Variants in PSMA5 observed in about 807,000 individuals in gnomAD.
The protein encoded by PSMA5 is proteasome 20S subunit alpha 5, also known as proteasome subunit alpha type-5.
In PSMA5, 3 loss-of-function variants were observed where a neutral mutation model predicts 34.5. That is an observed-to-expected ratio of 0.09 (90% CI 0.04 to 0.22). The LOEUF is 0.22. Among genes scored for constraint, PSMA5 ranks in the 10% least tolerant of loss-of-function variants. The pLI, the probability that PSMA5 is intolerant of heterozygous loss-of-function variation, is 1.00. For missense variants in PSMA5, 120 were observed against 286.1 expected (o/e 0.42, Z 4.19); for synonymous variants, 88 against 95.8 (o/e 0.92, Z 0.47).
intron 2 of PSMA5, among the ~76,000 whole-genome samples, chr1:109,420,288 C>T (rs933907057): frequency 1.3e-5 from 2 of 152,042 alleles, no homozygotes; most frequent in Non-Finnish European, 1.5e-5. Context: ...CCTCAGAAGA[C>T]AATTGTGTGT....
intron 8 of PSMA5, among the ~76,000 whole-genome samples, chr1:109,404,236 T>C (rs903246314): frequency 3.5e-4 from 53 of 152,076 alleles, no homozygotes; most frequent in African/African-American, 1.2e-3. Context: ...TGCTCGAACA[T>C]GGGATGTGGA....
intron 2 of PSMA5, among the ~76,000 whole-genome samples, chr1:109,418,657 C>A (rs1423727502): frequency 2.0e-5 from 3 of 152,074 alleles, no homozygotes; most frequent in Admixed American, 1.3e-4. Context: ...GTTGCCCAGG[C>A]TAGTCTTGAA....
At chr1:109,423,091 G>A (rs1191491883) in intron 1 of PSMA5, among the ~76,000 whole-genome samples, 4 of 152,242 alleles carry the variant, frequency 2.6e-5, no homozygotes, top group Non-Finnish European at 5.9e-5. Context: ...GAATGAGATG[G>A]TTGCAATCCG....
Position 109,418,752 on chromosome 1 carries a change from A to T in PSMA5, c.96+3108T>A, listed in dbSNP as rs114933194. ...GAGCAACAATGTCCACAAGGAAAAAAATTTTCAAGAAAAATTAGAAAATTG... is the reference window on the plus strand; with the variant it reads ...GAGCAACAATGTCCACAAGGAAAAATATTTTCAAGAAAAATTAGAAAATTG... On this transcript the variant is annotated intron_variant, in intron 2 of 8. Coordinates refer to ENST00000271308, the MANE Select transcript of PSMA5 (RefSeq NM_002790.4). Among the ~76,000 whole-genome samples the T allele has an allele frequency of 6.0e-3, 921 of 152,328 alleles. 10 individuals are homozygous for T. Among genetic ancestry groups the T allele is most frequent in the African/African-American group, 0.016 (672 of 41,572 alleles).
At chr1:109,421,476 A>T (rs1654442661) in intron 2 of PSMA5, among the ~76,000 whole-genome samples, 1 of 142,342 alleles carries the variant, frequency 7.0e-6, no homozygotes, top group Non-Finnish European at 1.5e-5. Context: ...AAAAAAAAAA[A>T]AGAAAGAAAA....
intron 1 of PSMA5, among the ~76,000 whole-genome samples, chr1:109,422,918 G>T (rs1654504196): frequency 6.6e-6 from 1 of 152,192 alleles, no homozygotes; most frequent in Non-Finnish European, 1.5e-5. Context: ...TAACTTACAT[G>T]TCAGACTGCT....
intron 2 of PSMA5, among the ~76,000 whole-genome samples, chr1:109,418,131 T>C (rs1258164313): frequency 1.3e-5 from 2 of 152,020 alleles, no homozygotes; most frequent in African/African-American, 4.8e-5. Context: ...GGAGGATCAC[T>C]TGAGCCTGGG....
chr1:109,411,733 C>G (rs11102979), intron 6 of PSMA5, 144 bp downstream of exon 6: 558,906 of 766,966 alleles, frequency 0.73, 206,319 homozygotes, highest in East Asian at 0.97. Flanking sequence ...TCAAGAGATC[C>G]TCCTGCCTTA....
rs929535721 is a variant in PSMA5, at chr1:109,399,437, T to C, written c.*2576A>G. 2.0e-5 allele frequency: 3 copies of C among 151,286 alleles called. No homozygotes were observed. The highest frequency in any genetic ancestry group is 2.4e-5 in the African/African-American group (1 of 41,116). 9.4% of individuals were successfully genotyped at this position (151,286 alleles called of 1,614,324 possible). On this transcript the variant is annotated 3_prime_UTR_variant, in exon 9 of 9. Transcript: ENST00000271308. ...CACAAGACAGTCAGTTCCAGTAGCA[T>C]GTGATTAGGTGGGGGGAGGAAAGGG... is the stretch of plus-strand genomic sequence containing the variant.
intron 2 of PSMA5, among the ~76,000 whole-genome samples, chr1:109,417,707 G>A (rs188335705): frequency 4.3e-4 from 65 of 152,286 alleles, no homozygotes; most frequent in Admixed American, 3.2e-3. Flanking sequence ...GAAGCCAGCA[G>A]CCAGAAATAC....
intron 8 of PSMA5, 122 bp downstream of exon 8, chr1:109,409,806 C>T (rs1034758371): frequency 1.1e-5 from 7 of 651,728 alleles, no homozygotes; most frequent in South Asian, 5.6e-5. Context: ...CCCAGCTACT[C>T]GAGAGGCTGG....
intron 6 of PSMA5, 139 bp downstream of exon 6, chr1:109,411,738 G>T: frequency 1.2e-6 from 1 of 813,684 alleles, no homozygotes; most frequent in Non-Finnish European, 2.0e-6. Context: ...AGATCCTCCT[G>T]CCTTAGCCTT....
chr1:109,417,359 G>T (rs369974776), intron 2 of PSMA5, among the ~76,000 whole-genome samples: 5 of 152,134 alleles, frequency 3.3e-5, no homozygotes, highest in African/African-American at 9.7e-5. Flanking sequence ...GAAACAACCT[G>T]ATTTTTATCA....
chr1:109,421,945 T>C lies in PSMA5; in HGVS notation c.30-19A>G. ...CACGCCCCTATAATTTAAAAAAAAATTATTAATTATACTCATAAAAACTAG... is the reference window on the plus strand; with the variant it reads ...CACGCCCCTATAATTTAAAAAAAAACTATTAATTATACTCATAAAAACTAG... On this transcript the variant is annotated intron_variant, in intron 1 of 8. Transcript: ENST00000271308. 7.0e-7 allele frequency: 1 copy of C among 1,428,226 alleles called. No individual in the cohort carries two copies. Among genetic ancestry groups the C allele is most frequent in the Non-Finnish European group, 9.2e-7 (1 of 1,081,846 alleles). The allele number at this position is 1,428,226 out of a possible 1,614,324, so 88.5% of individuals were successfully genotyped here. A position where few individuals can be genotyped will look rare whatever the true frequency, so the allele number is the denominator to read the frequency against.
At chr1:109,423,418 G>C (rs543171699) in intron 1 of PSMA5, among the ~76,000 whole-genome samples, 3 of 152,222 alleles carry the variant, frequency 2.0e-5, no homozygotes, top group Non-Finnish European at 4.4e-5. Flanking sequence ...CAGCCTGGGA[G>C]AGTGCTAAGC....
At position 109,399,215 on chromosome 1, in the gene PSMA5, G is replaced by A. The variant is rs1653395988; in HGVS notation, c.*2798C>T. ...GAATTTACAAATTTTTCCAAGACGT[G>A]AGAAGTGAAAAATGTTTTTGAATGC... On this transcript the variant is annotated 3_prime_UTR_variant, in exon 9 of 9. Transcript: ENST00000271308. The A allele has an allele frequency of 6.6e-6, 1 of 152,168 alleles. No individual in the cohort carries two copies. 9.4% of individuals were successfully genotyped at this position (152,168 alleles called of 1,614,324 possible).
chr1:109,410,160 G>T, intron 7 of PSMA5, 146 bp from the exon 8 acceptor site: 1 of 598,206 alleles, frequency 1.7e-6, no homozygotes, highest in Non-Finnish European at 3.0e-6. Flanking sequence ...AGTATCTCCA[G>T]AACTCAAGTA....
At position 109,412,172 on chromosome 1, in the gene PSMA5, T is replaced by C; in HGVS notation, c.304A>G (p.Thr102Ala). 1.2e-6 allele frequency: 2 copies of C among 1,613,794 alleles called. No individual in the cohort carries two copies. Among genetic ancestry groups the C allele is most frequent in the Non-Finnish European group, 1.7e-6 (2 of 1,179,664 alleles). Residue 102 changes from threonine (T) to alanine (A), a missense_variant, in exon 5 of 9, where the codon ACC (threonine) becomes GCC (alanine). Thr to Ala is a moderately conservative substitution (Grantham distance 58). Around this residue, in one of 3 missense-constraint regions of PSMA5, gnomAD observed 83 missense variants for 203.2 expected, o/e 0.41. Transcript: ENST00000271308. ...TCCACTGTCATTGTCTCATTGTAGG[T>C]GAACCAGTGGTTCTAGAAGAAGAGC... Reference protein sequence around the residue: ...ARVETQNHWFTYNETMTVESV... With the variant: ...ARVETQNHWFAYNETMTVESV...
intron 2 of PSMA5, among the ~76,000 whole-genome samples, chr1:109,416,419 C>A (rs1278830123): frequency 1.3e-5 from 2 of 152,212 alleles, no homozygotes; most frequent in African/African-American, 4.8e-5. Context: ...ACGTTATCTC[C>A]TACCCTTGCA....
Sources: allele counts gnomAD v4.1 joint callset (sites outside exome capture counted in the v4.1 genomes callset), GRCh38; gene constraint gnomAD v4.1.1; regional missense constraint gnomAD v4.1.1; transcripts MANE v1.5; gene names NCBI Gene and HGNC (gene_info 2026-07-23, HGNC 2026-07-21).